Variants in PDZD2 observed in about 807,000 individuals in gnomAD.
PDZD2 encodes PDZ domain containing 2.
A neutral mutation model predicts 220.7 loss-of-function variants in PDZD2; 90 were observed. The observed-to-expected ratio is 0.41, with a 90% CI of 0.34 to 0.49. The LOEUF (loss-of-function observed/expected upper bound fraction) is 0.49, where lower values mean the gene tolerates loss of function less well. PDZD2 is among the 20% of genes least tolerant of loss of function. PDZD2 has a pLI of 0.28. For missense variants in PDZD2, 3,174 were observed against 3,608.5 expected, an observed-to-expected ratio of 0.88 and a Z score of 3.08; for synonymous variants, 1,375 against 1,450.5, an observed-to-expected ratio of 0.95 and a Z score of 1.18.
intron 21 of PDZD2, among the ~76,000 whole-genome samples, chr5:32,097,035 C>T (rs1331949607): frequency 6.6e-6 from 1 of 151,646 alleles, no homozygotes; most frequent in Non-Finnish European, 1.5e-5. Flanking sequence ...CCACATTGCC[C>T]AGGCTGGACT....
intron 6 of PDZD2, among the ~76,000 whole-genome samples, chr5:32,018,035 T>G (rs1357762523): frequency 6.6e-6 from 1 of 152,116 alleles, no homozygotes; most frequent in Non-Finnish European, 1.5e-5. Flanking sequence ...AAAGTCACAT[T>G]ATAGCTCAAG....
At chr5:31,697,070 T>G (rs1015325484) in intron 1 of PDZD2, among the ~76,000 whole-genome samples, 2 of 152,252 alleles carry the variant, frequency 1.3e-5, no homozygotes, top group Admixed American at 6.5e-5. Context: ...GCTCTCAGCC[T>G]GAGAAAGGCC....
intron 10 of PDZD2, 134 bp from the exon 11 acceptor site, chr5:32,057,521 G>T: frequency 1.6e-6 from 1 of 632,268 alleles, no homozygotes; most frequent in Admixed American, 2.8e-5. Flanking sequence ...TGGGAGCTAA[G>T]CTAAACAATA....
At chr5:31,980,453 C>T (rs557060209) in intron 2 of PDZD2, among the ~76,000 whole-genome samples, 1 of 152,262 alleles carries the variant, frequency 6.6e-6, no homozygotes, top group Admixed American at 6.5e-5. Flanking sequence ...ATGGAAGACC[C>T]AGCTGTCAGG....
intron 2 of PDZD2, among the ~76,000 whole-genome samples, chr5:31,831,519 C>T (rs373513636): frequency 2.6e-5 from 4 of 152,160 alleles, no homozygotes; most frequent in African/African-American, 9.6e-5. Flanking sequence ...GAGGCCGAGG[C>T]GGGTGGTTCA....
At chr5:31,967,709 C>T (rs1251438368) in intron 2 of PDZD2, among the ~76,000 whole-genome samples, 4 of 152,172 alleles carry the variant, frequency 2.6e-5, no homozygotes, top group Non-Finnish European at 2.9e-5. Context: ...GGGCAGTGCA[C>T]CTGGCAGGGC....
In PDZD2 at chr5:32,052,677, C is replaced by T; in HGVS notation, c.1732C>T (p.Leu578Phe). 6.2e-7 allele frequency: 1 copy of T among 1,613,706 alleles called. No individual in the cohort carries two copies. Among genetic ancestry groups the T allele is most frequent in the Non-Finnish European group, 8.5e-7 (1 of 1,179,556 alleles). ...GACTCAGGTGGAATCTCCTTGGAGG[C>T]TCATTCGGCCATCCGTCATCTCGAT... ...STTQVESPWR[L>F]IRPSVISIIG... The change falls in exon 9 of 25, where the codon CTC (leucine) becomes TTC (phenylalanine). Residue 578 changes from leucine to phenylalanine, a missense_variant. Leu to Phe is a conservative substitution (Grantham distance 22, BLOSUM62 0). This residue lies in a region of PDZD2 where 50 missense variants were observed against 109.5 expected (regional missense o/e 0.46). Transcript: ENST00000438447.
At chr5:31,769,867 T>C (rs1395644411) in intron 1 of PDZD2, among the ~76,000 whole-genome samples, 2 of 151,166 alleles carry the variant, frequency 1.3e-5, no homozygotes, top group Non-Finnish European at 2.9e-5. Context: ...CTAATTACTT[T>C]CAAGAGGTGG....
Position 32,072,323 on chromosome 5 carries a change from C to G in PDZD2, c.2725+6C>G. On this transcript the variant is annotated splice_donor_region_variant and intron_variant, in intron 17 of 24. Coordinates refer to ENST00000438447, the MANE Select transcript of PDZD2 (RefSeq NM_178140.4). ...CCTGCCTCCCAGCACCTCCAGTAAG[C>G]AGGGGTGCCCCAGAGGGCCTGGGCT... 6.2e-7 allele frequency: 1 copy of G among 1,606,636 alleles called. No homozygotes were observed. Among genetic ancestry groups the G allele is most frequent in the Non-Finnish European group, 8.5e-7 (1 of 1,175,664 alleles).
intron 1 of PDZD2, among the ~76,000 whole-genome samples, chr5:31,657,609 TC>T (rs1696856996): frequency 6.6e-6 from 1 of 152,174 alleles, no homozygotes; most frequent in Non-Finnish European, 1.5e-5. Flanking sequence ...TGCACTTGAA[TC>T]TGAAAAAAAC....
chr5:31,830,047 CAAAG>C (rs1232193680), intron 2 of PDZD2, among the ~76,000 whole-genome samples: 3 of 151,978 alleles, frequency 2.0e-5, no homozygotes, highest in Non-Finnish European at 4.4e-5. Flanking sequence ...GACTCCATCT[CAAAG>C]AAACAAGAAA....
chr5:31,737,371 A>T (rs1749959548), intron 1 of PDZD2, among the ~76,000 whole-genome samples: 1 of 151,672 alleles, frequency 6.6e-6, no homozygotes, highest in South Asian at 2.1e-4. Flanking sequence ...ATGGGGTTTC[A>T]CCGTGTTAGC....
At chr5:32,058,149 T>C (rs751305572) in intron 12 of PDZD2, 46 bp downstream of exon 12, 9 of 983,592 alleles carry the variant, frequency 9.2e-6, no homozygotes, top group Non-Finnish European at 1.5e-5. Flanking sequence ...TTGAATAACA[T>C]TTTGGAATCT....
At chr5:32,104,734 A>C (rs1197061570) in intron 24 of PDZD2, among the ~76,000 whole-genome samples, 3 of 147,836 alleles carry the variant, frequency 2.0e-5, no homozygotes, top group East Asian at 2.0e-4. Context: ...AAAAAAAAAA[A>C]AAAAAAAAAA....
intron 2 of PDZD2, among the ~76,000 whole-genome samples, chr5:31,825,923 T>TCAAG (rs1167444795): frequency 7.8e-6 from 1 of 128,902 alleles, no homozygotes; most frequent in Non-Finnish European, 1.6e-5. Context: ...TTAACAGGTG[T>TCAAG]CAAGCAAAAG....
intron 7 of PDZD2, among the ~76,000 whole-genome samples, chr5:32,043,946 T>C (rs1737675050): frequency 1.3e-5 from 2 of 152,114 alleles, no homozygotes; most frequent in Admixed American, 1.3e-4. Context: ...TCATCATTAA[T>C]ATTATGTTCA....
chr5:32,007,840 C>T (rs1752955391), intron 5 of PDZD2, among the ~76,000 whole-genome samples: 1 of 152,198 alleles, frequency 6.6e-6, no homozygotes, highest in Non-Finnish European at 1.5e-5. Flanking sequence ...CCCTCATGTG[C>T]TGCGGCATTT....
chr5:31,878,804 G>T (rs1327638344), intron 2 of PDZD2, among the ~76,000 whole-genome samples: 3 of 151,270 alleles, frequency 2.0e-5, no homozygotes, highest in East Asian at 2.0e-4. Context: ...TTCGTGATCC[G>T]CCTGCCTCGG....
intron 2 of PDZD2, among the ~76,000 whole-genome samples, chr5:31,864,915 C>T (rs1344623879): frequency 8.6e-5 from 11 of 127,226 alleles, no homozygotes; most frequent in African/African-American, 3.3e-4. Context: ...GTGGCGTAAT[C>T]TCGGCTCACT....
Sources: gnomAD v4.1 joint callset for allele counts (sites outside exome capture counted in the v4.1 genomes callset) on GRCh38, gnomAD v4.1.1 for gene constraint, gnomAD v4.1.1 regional missense constraint, MANE v1.5 for transcripts, NCBI Gene and HGNC (gene_info 2026-07-23, HGNC 2026-07-21) for gene names.